ABCA3: variants seen among roughly 807,000 people sequenced by gnomAD.
ABCA3 encodes the protein phospholipid-transporting ATPase ABCA3.
ABCA3 carries 88 observed loss-of-function variants against 172.8 expected under a neutral mutation model. The ratio of observed to expected loss-of-function variants is 0.51; its 90% CI spans 0.43 to 0.61. The LOEUF (loss-of-function observed/expected upper bound fraction) is 0.61, where lower values mean the gene tolerates loss of function less well. Among genes scored for constraint, ABCA3 ranks in the 20% least tolerant of loss-of-function variants. ABCA3 has a pLI of 0.00. For missense variants in ABCA3, 2,164 were observed against 2,301.0 expected (o/e 0.94, Z 1.22); for synonymous variants, 1,066 against 983.8 (o/e 1.08, Z -1.56).
At position 2,286,725 on chromosome 16, in the gene ABCA3, C is replaced by A. The variant is rs145415984; in HGVS notation, c.3247G>T (p.Ala1083Ser). 6.2e-7 allele frequency: 1 copy of A among 1,613,506 alleles called. No individual in the cohort carries two copies. The highest frequency in any genetic ancestry group is 8.5e-7 in the Non-Finnish European group (1 of 1,179,908). ...AACTGGTCCTTGGCAGCCTGCAGGG[C>A]GCTCCGGGGCTGGGGGAAGTTGGAG... The part of the protein sequence containing the change: ...VVSNFPQPRS[A>S]LQAAKDQFNE... The change falls in exon 22 of 33, where the codon GCC becomes TCC. Residue 1083 changes from alanine to serine, a missense_variant. Coordinates refer to ENST00000301732, the MANE Select transcript of ABCA3 (RefSeq NM_001089.3). The surrounding 1 kb of genome is among the most constrained non-coding windows in gnomAD (Gnocchi z 5.2).
chr16:2,305,926 T>C (rs2093696998), intron 11 of ABCA3, among the ~76,000 whole-genome samples: 1 of 152,182 alleles, frequency 6.6e-6, no homozygotes, highest in South Asian at 2.1e-4. Flanking sequence ...TTGCCAACAT[T>C]GCAGTCCTGA....
chr16:2,324,538 A>C lies in ABCA3; in HGVS notation c.320-7T>G, dbSNP rs760777880. The C allele has an allele frequency of 1.2e-6, 2 of 1,608,730 alleles. No individual in the cohort carries two copies. Among genetic ancestry groups the C allele is most frequent in the East Asian group, 4.5e-5 (2 of 44,870 alleles). On this transcript the variant is annotated splice_region_variant and splice_polypyrimidine_tract_variant and intron_variant, in intron 5 of 32. Transcript: ENST00000301732. ...TCGGAGGGAAAGCCGCGCACTGCAA[A>C]GAGAGAGCACGGGAGCTGTGGTTGC...
At chr16:2,305,934 T>C (rs1209986123) in intron 11 of ABCA3, among the ~76,000 whole-genome samples, 1 of 152,206 alleles carries the variant, frequency 6.6e-6, no homozygotes, top group Admixed American at 6.6e-5. Context: ...ATTGCAGTCC[T>C]GACAGTGCTG....
In ABCA3 at chr16:2,319,687, A is replaced by T. The variant is rs200370884; in HGVS notation, c.767T>A (p.Leu256His). ...PYPPFIADPF[L>H]VAIQYQLPLL... ...GGGCAGCTGGTACTGGATGGCCACG[A>T]GGAAGGGGTCTGCGATGAACGGCGG... Residue 256 changes from leucine (L) to histidine (H), a missense_variant, in exon 8 of 33, where the codon CTC becomes CAC. Around this residue, in one of 3 missense-constraint regions of ABCA3, gnomAD observed 1,343 missense variants for 1,369.6 expected, o/e 0.98. Coordinates refer to ENST00000301732, the MANE Select transcript of ABCA3 (RefSeq NM_001089.3). The T allele has an allele frequency of 3.9e-5, 63 of 1,613,746 alleles. No homozygotes were observed. Among genetic ancestry groups the T allele is most frequent in the Non-Finnish European group, 5.3e-5 (62 of 1,179,992 alleles).
intron 14 of ABCA3, among the ~76,000 whole-genome samples, chr16:2,298,795 G>A (rs2093684291): frequency 6.6e-6 from 1 of 152,100 alleles, no homozygotes; most frequent in Non-Finnish European, 1.5e-5. Flanking sequence ...CACACACAGA[G>A]TCACCACAAT....
intron 11 of ABCA3, among the ~76,000 whole-genome samples, chr16:2,307,582 C>A (rs2093699788): frequency 2.0e-5 from 3 of 151,956 alleles, no homozygotes; most frequent in Admixed American, 2.0e-4. Flanking sequence ...GTCCTCAAAA[C>A]CCTAGACTTT....
intron 1 of ABCA3, among the ~76,000 whole-genome samples, chr16:2,338,547 G>A (rs117396106): frequency 9.2e-5 from 14 of 152,106 alleles, no homozygotes; most frequent in Non-Finnish European, 1.9e-4. Context: ...CTTCCCAGGT[G>A]ATTGTAACGG....
At chr16:2,336,051 C>A (rs1332274011) in intron 1 of ABCA3, among the ~76,000 whole-genome samples, 1 of 152,198 alleles carries the variant, frequency 6.6e-6, no homozygotes, top group Non-Finnish European at 1.5e-5. Flanking sequence ...ACAACGTAAT[C>A]TGTCCCTTCA....
At position 2,285,762 on chromosome 16, in the gene ABCA3, G is replaced by A. The variant is rs2093662191; in HGVS notation, c.3279-116C>T. 2.1e-6 allele frequency: 2 copies of A among 957,420 alleles called. No homozygotes were observed. Among genetic ancestry groups the A allele is most frequent in the Admixed American group, 2.0e-5 (1 of 50,080 alleles). The allele number at this position is 957,420 out of a possible 1,614,324, so 59.3% of individuals were successfully genotyped here. Reference sequence around the variant, plus strand: ...CAGGGCAGCAGCCCAACCACTAAAGGGGCTTATGGGAGAGCACAAGCACCA... The same window carrying A: ...CAGGGCAGCAGCCCAACCACTAAAGAGGCTTATGGGAGAGCACAAGCACCA... On this transcript the variant is annotated intron_variant, in intron 22 of 32. Coordinates refer to ENST00000301732, the MANE Select transcript of ABCA3 (RefSeq NM_001089.3). This position sits in a 1 kb window ranked among gnomAD's most constrained non-coding sequence, Gnocchi z 4.7.
At position 2,277,747 on chromosome 16, in the gene ABCA3, G is replaced by C. The variant is rs750288487; in HGVS notation, c.4910-77C>G. Reference sequence around the variant, plus strand: ...GAGGGTGCCTGGGTGCTCAGCACTGGAGTCCTCGTCCCAGGGATTGGGGAG... The same window carrying C: ...GAGGGTGCCTGGGTGCTCAGCACTGCAGTCCTCGTCCCAGGGATTGGGGAG... On this transcript the variant is annotated intron_variant, in intron 31 of 32. Coordinates refer to ENST00000301732, the MANE Select transcript of ABCA3 (RefSeq NM_001089.3). The surrounding 1 kb of genome is among the most constrained non-coding windows in gnomAD (Gnocchi z 5.3). The C allele has an allele frequency of 7.5e-6, 12 of 1,598,702 alleles. No individual in the cohort carries two copies. The highest frequency in any genetic ancestry group is 1.0e-5 in the Non-Finnish European group (12 of 1,170,806).
intron 18 of ABCA3, among the ~76,000 whole-genome samples, chr16:2,292,880 G>A (rs1351197920): frequency 2.6e-5 from 4 of 151,566 alleles, no homozygotes; most frequent in East Asian, 2.0e-4. Flanking sequence ...GCTTGAACCC[G>A]GGAGGCGGAG....
At position 2,332,037 on chromosome 16, in the gene ABCA3, C is replaced by T. The variant is rs574953022; in HGVS notation, c.-538-2183G>A. On this transcript the variant is annotated intron_variant, in intron 1 of 32. Coordinates refer to ENST00000301732, the MANE Select transcript of ABCA3 (RefSeq NM_001089.3). Reference sequence around the variant, plus strand: ...TTGTTTTTTAGGTAAGCAACTGACTCGGTGCAGAGTGAGCGCATACTGCAG... The same window carrying T: ...TTGTTTTTTAGGTAAGCAACTGACTTGGTGCAGAGTGAGCGCATACTGCAG... Among the ~76,000 whole-genome samples, 20 of 152,276 alleles carry T rather than the reference C, an allele frequency of 1.3e-4. No individual in the cohort carries two copies. The South Asian group carries it at 3.5e-3, about 27-fold the overall frequency.
chr16:2,324,519 G>T lies in ABCA3; in HGVS notation c.332C>A (p.Pro111His). 6.2e-7 allele frequency: 1 copy of T among 1,610,020 alleles called. No individual in the cohort carries two copies. The highest frequency in any genetic ancestry group is 1.1e-5 in the South Asian group (1 of 91,062). The change falls in exon 6 of 33, where the codon CCC becomes CAC. Residue 111 changes from proline to histidine, a missense_variant. By Grantham distance (77) the Pro-to-His change is moderately conservative (BLOSUM62 -2). Transcript: ENST00000301732. ...GTAGTCCTCAAAGTCCTTCTCGGAG[G>T]GAAAGCCGCGCACTGCAAAGAGAGA... is the stretch of plus-strand genomic sequence containing the variant. ...LVINMRVRGF[P>H]SEKDFEDYIR... is the part of the protein sequence containing the mutation.
chr16:2,329,932 A>G (rs1436082284), intron 1 of ABCA3, 78 bp from the exon 2 acceptor site: 1 of 152,218 alleles, frequency 6.6e-6, no homozygotes, highest in Admixed American at 6.5e-5. Flanking sequence ...AGAAAACAGA[A>G]GAGCAAAATA....
intron 1 of ABCA3, among the ~76,000 whole-genome samples, chr16:2,338,915 C>G (rs1369306094): frequency 6.6e-6 from 1 of 151,904 alleles, no homozygotes; most frequent in Admixed American, 6.6e-5. Flanking sequence ...CCACCATGCC[C>G]GGCTAATTTT....
chr16:2,283,728 T>C lies in ABCA3; in HGVS notation c.3863-370A>G. 1 of 295,994 alleles carries C rather than the reference T, an allele frequency of 3.4e-6. No individual in the cohort carries two copies. The highest frequency in any genetic ancestry group is 8.1e-5 in the East Asian group (1 of 12,390). 18.3% of individuals were successfully genotyped at this position (295,994 alleles called of 1,614,324 possible). On this transcript the variant is annotated intron_variant, in intron 25 of 32. Transcript: ENST00000301732. The surrounding 1 kb of genome is among the most constrained non-coding windows in gnomAD (Gnocchi z 5.4). ...CCCCACAGGACAGGTCCAAGTTCTG[T>C]CCCCCTGGACCTGGGGTTGTGATCT...
At chr16:2,338,913 C>T (rs1001627729) in intron 1 of ABCA3, among the ~76,000 whole-genome samples, 1 of 152,092 alleles carries the variant, frequency 6.6e-6, no homozygotes, top group South Asian at 2.1e-4. Flanking sequence ...TGCCACCATG[C>T]CCGGCTAATT....
chr16:2,279,965 G>A lies in ABCA3; in HGVS notation c.4360-835C>T, dbSNP rs1157664878. Among the ~76,000 whole-genome samples the A allele has an allele frequency of 6.6e-6, 1 of 152,188 alleles. No individual in the cohort carries two copies. ...AGCATTTTGCCATGTTGGCCAGGCT[G>A]GTCTCGAACTCTAGACCTCAAGTGA... On this transcript the variant is annotated intron_variant, in intron 28 of 32. Coordinates refer to ENST00000301732, the MANE Select transcript of ABCA3 (RefSeq NM_001089.3). This position sits in a 1 kb window ranked among gnomAD's most constrained non-coding sequence, Gnocchi z 4.4.
intron 7 of ABCA3, among the ~76,000 whole-genome samples, chr16:2,323,182 T>C (rs1026657038): frequency 1.3e-5 from 2 of 152,122 alleles, no homozygotes; most frequent in Non-Finnish European, 2.9e-5. Context: ...TGAGGAGAAA[T>C]AGGAACACTT....
Sources: gnomAD v4.1 joint callset for allele counts (sites outside exome capture counted in the v4.1 genomes callset) on GRCh38, gnomAD v4.1.1 for gene constraint, gnomAD v4.1.1 regional missense constraint, Gnocchi (gnomAD v3.1) non-coding constraint, MANE v1.5 for transcripts, NCBI Gene and HGNC (gene_info 2026-07-23, HGNC 2026-07-21) for gene names.